The following ZMYM4 variants were observed in gnomAD, a reference collection of about 807,000 sequenced individuals.
ZMYM4 encodes the protein zinc finger MYM-type protein 4.
ZMYM4 carries 31 observed loss-of-function variants against 183.2 expected under a neutral mutation model. The observed-to-expected ratio is 0.17, with a 90% confidence interval of 0.13 to 0.23. The LOEUF is 0.23. Ranked by LOEUF, ZMYM4 falls within the 10% of genes least tolerant of loss-of-function variation. The probability of loss-of-function intolerance (pLI) is 1.00; values close to 1 mark genes in which losing one functional copy is unlikely to be tolerated. For synonymous variants in ZMYM4, 592 were observed against 631.2 expected (o/e 0.94, Z 0.93); for missense variants, 1,273 against 1,840.3 (o/e 0.69, Z 5.64).
intron 23 of ZMYM4, among the ~76,000 whole-genome samples, chr1:35,400,520 T>A (rs1467892141): frequency 6.6e-6 from 1 of 152,072 alleles, no homozygotes; most frequent in Non-Finnish European, 1.5e-5. Flanking sequence ...CCTATTTTTA[T>A]AGTATAGTAA....
chr1:35,412,378 A>G (rs1455938222), intron 26 of ZMYM4, among the ~76,000 whole-genome samples: 2 of 151,934 alleles, frequency 1.3e-5, no homozygotes, highest in East Asian at 1.9e-4. Context: ...TTCCTTTCCT[A>G]TTTGAATGCG....
chr1:35,396,491 A>G (rs1336332992), intron 18 of ZMYM4, 61 bp from the exon 19 acceptor site: 1 of 1,592,058 alleles, frequency 6.3e-7, no homozygotes, highest in Non-Finnish European at 8.5e-7. Flanking sequence ...TTATTTTGAA[A>G]TCTTATGAAA....
chr1:35,376,417 T>A (rs1327356723), intron 7 of ZMYM4, among the ~76,000 whole-genome samples: 1 of 152,244 alleles, frequency 6.6e-6, no homozygotes, highest in East Asian at 1.9e-4. Context: ...AAGGTCCAGC[T>A]AAAATATCAC....
At chr1:35,315,847 G>A (rs971754285) in intron 1 of ZMYM4, among the ~76,000 whole-genome samples, 6 of 152,152 alleles carry the variant, frequency 3.9e-5, no homozygotes, top group African/African-American at 4.8e-5. Flanking sequence ...GATTGCTGGC[G>A]CCCAGGAGTT....
chr1:35,289,256 G>C (rs1035832921), intron 1 of ZMYM4, among the ~76,000 whole-genome samples: 1 of 152,136 alleles, frequency 6.6e-6, no homozygotes, highest in Non-Finnish European at 1.5e-5. Context: ...GAACTTCAGG[G>C]AGCAAGATGG....
At chr1:35,277,215 A>G (rs1448837272) in intron 1 of ZMYM4, among the ~76,000 whole-genome samples, 2 of 152,194 alleles carry the variant, frequency 1.3e-5, no homozygotes, top group African/African-American at 2.4e-5. Flanking sequence ...GTCATCATCA[A>G]TATTTTAAAA....
intron 19 of ZMYM4, 103 bp downstream of exon 19, chr1:35,396,773 C>T: frequency 1.5e-6 from 2 of 1,319,770 alleles, no homozygotes; most frequent in Admixed American, 5.3e-5. Flanking sequence ...TAAAATATAC[C>T]TGCTTCTGAT....
intron 1 of ZMYM4, among the ~76,000 whole-genome samples, chr1:35,316,486 C>G (rs1454838211): frequency 1.3e-5 from 2 of 152,186 alleles, no homozygotes; most frequent in African/African-American, 4.8e-5. Flanking sequence ...TAACAAATCA[C>G]TATGTAATTA....
chr1:35,392,550 G>C, intron 16 of ZMYM4, 97 bp from the exon 17 acceptor site: 3 of 1,307,968 alleles, frequency 2.3e-6, no homozygotes, highest in Non-Finnish European at 3.2e-6. Flanking sequence ...CATGTTCTTA[G>C]TATGAGGGTT....
intron 2 of ZMYM4, among the ~76,000 whole-genome samples, chr1:35,349,830 T>TAAAAA (rs80243856): frequency 7.8e-6 from 1 of 128,476 alleles, no homozygotes; most frequent in Admixed American, 7.9e-5. Flanking sequence ...ACTCTGTCTT[T>TAAAAA]AAAAAAAAAA....
intron 18 of ZMYM4, among the ~76,000 whole-genome samples, chr1:35,395,554 A>C (rs1644794244): frequency 6.6e-6 from 1 of 152,202 alleles, no homozygotes; most frequent in Admixed American, 6.5e-5. Flanking sequence ...CTTATCTAGC[A>C]TATTCTCTGA....
intron 2 of ZMYM4, among the ~76,000 whole-genome samples, chr1:35,346,158 C>G (rs1643384006): frequency 6.6e-6 from 1 of 151,962 alleles, no homozygotes; most frequent in Non-Finnish European, 1.5e-5. Flanking sequence ...ATGTATATAC[C>G]ACATTTTATC....
chr1:35,308,722 A>G (rs1301716038), intron 1 of ZMYM4, among the ~76,000 whole-genome samples: 1 of 152,068 alleles, frequency 6.6e-6, no homozygotes, highest in African/African-American at 2.4e-5. Flanking sequence ...TTAGCTGGGC[A>G]TGGTGGCGCA....
At position 35,306,136 on chromosome 1, in the gene ZMYM4, A is replaced by G. The variant is rs139590015; in HGVS notation, c.40-19224A>G. ...TTGTTCTTTATTCTCGCCTTATTGT[A>G]GGTAGATTGCATTTTTTCACTGTTC... On this transcript the variant is annotated intron_variant, in intron 1 of 29. Transcript: ENST00000314607. 1.9e-3 allele frequency among the ~76,000 whole-genome samples: 288 copies of G among 152,190 alleles called. 2 individuals are homozygous for G. The highest frequency in any genetic ancestry group is 3.4e-3 in the Non-Finnish European group (233 of 67,984).
At chr1:35,299,903 T>A (rs1319826224) in intron 1 of ZMYM4, among the ~76,000 whole-genome samples, 1 of 152,014 alleles carries the variant, frequency 6.6e-6, no homozygotes. Context: ...CATGCCATTC[T>A]CCTGCCGCAG....
intron 2 of ZMYM4, chr1:35,351,156 G>C: frequency 1.7e-6 from 2 of 1,182,898 alleles, no homozygotes; most frequent in South Asian, 2.4e-5. Context: ...CTGCTATTTG[G>C]ATGCAGACCT....
At chr1:35,408,207 CAGA>C (rs1477463341) in intron 26 of ZMYM4, 48 bp downstream of exon 26, 15 of 1,602,148 alleles carry the variant, frequency 9.4e-6, no homozygotes, top group Non-Finnish European at 1.3e-5. Flanking sequence ...ATCCATTGAC[CAGA>C]ATATGTCCCC....
intron 1 of ZMYM4, among the ~76,000 whole-genome samples, chr1:35,302,081 A>G (rs772583392): frequency 2.0e-5 from 3 of 152,200 alleles, no homozygotes; most frequent in Non-Finnish European, 2.9e-5. Context: ...ATCCTGTTCC[A>G]TTCATTTTTG....
intron 1 of ZMYM4, among the ~76,000 whole-genome samples, chr1:35,295,442 G>T (rs562245175): frequency 2.6e-5 from 4 of 152,184 alleles, no homozygotes; most frequent in African/African-American, 9.7e-5. Context: ...CAGTAGATGA[G>T]ATCAGGGGAA....
Sources: gnomAD v4.1 joint callset for allele counts (sites outside exome capture counted in the v4.1 genomes callset) on GRCh38, gnomAD v4.1.1 for gene constraint, MANE v1.5 for transcripts, NCBI Gene and HGNC (gene_info 2026-07-23, HGNC 2026-07-21) for gene names.